CCDC91: variants seen among roughly 807,000 people sequenced by gnomAD.
CCDC91 encodes the protein coiled-coil domain-containing protein 91.
In CCDC91, 48 loss-of-function variants were observed where a neutral mutation model predicts 63.2. That is an observed-to-expected ratio of 0.76 (90% confidence interval 0.60 to 0.97). The LOEUF is 0.97. Among genes scored for constraint, CCDC91 ranks in the 50% least tolerant of loss-of-function variants. CCDC91 has a pLI of 0.00. For missense variants in CCDC91, 500 were observed against 494.6 expected (o/e 1.01, Z -0.10); for synonymous variants, 167 against 165.8 (o/e 1.01, Z -0.06).
chr12:28,417,125 A>G (rs1336712031), intron 8 of CCDC91, among the ~76,000 whole-genome samples: 2 of 152,058 alleles, frequency 1.3e-5, no homozygotes, highest in African/African-American at 2.4e-5. Context: ...TGGGCCTGAA[A>G]TTTAGGATAT....
intron 12 of CCDC91, among the ~76,000 whole-genome samples, chr12:28,534,102 C>T (rs1335344615): frequency 6.6e-6 from 1 of 152,040 alleles, no homozygotes; most frequent in Non-Finnish European, 1.5e-5. Context: ...TTCATTGTAG[C>T]AGTATGAGTT....
intron 8 of CCDC91, among the ~76,000 whole-genome samples, chr12:28,411,644 A>T (rs1565931011): frequency 6.6e-6 from 1 of 152,216 alleles, no homozygotes; most frequent in Non-Finnish European, 1.5e-5. Flanking sequence ...TCATCCACTG[A>T]ATAATGATGT....
intron 11 of CCDC91, among the ~76,000 whole-genome samples, chr12:28,478,852 G>A (rs747969253): frequency 9.2e-5 from 14 of 151,994 alleles, no homozygotes; most frequent in Middle Eastern, 6.8e-3. Context: ...GCCAACAGAC[G>A]CATGAAAAAA....
intron 12 of CCDC91, among the ~76,000 whole-genome samples, chr12:28,539,150 G>A (rs1377515517): frequency 6.6e-6 from 1 of 152,170 alleles, no homozygotes; most frequent in Admixed American, 6.5e-5. Context: ...TGTTGCCATT[G>A]CTTTTGGTGT....
At chr12:28,535,553 C>T (rs771113253) in intron 12 of CCDC91, among the ~76,000 whole-genome samples, 3 of 152,186 alleles carry the variant, frequency 2.0e-5, no homozygotes, top group Non-Finnish European at 2.9e-5. Context: ...AGTGGCATCC[C>T]AGTTGCAGTG....
chr12:28,240,836 C>G (rs1945280270), intron 1 of CCDC91, among the ~76,000 whole-genome samples: 3 of 152,110 alleles, frequency 2.0e-5, no homozygotes, highest in South Asian at 4.1e-4. Flanking sequence ...CAATCATGTA[C>G]TGATTTTTGT....
intron 6 of CCDC91, among the ~76,000 whole-genome samples, chr12:28,311,297 T>C (rs1302986671): frequency 6.6e-6 from 1 of 152,006 alleles, no homozygotes; most frequent in Non-Finnish European, 1.5e-5. Context: ...TTAGGTGAGA[T>C]CTTCTTACCT....
chr12:28,344,039 A>C (rs1010918097), intron 6 of CCDC91, among the ~76,000 whole-genome samples: 1 of 152,142 alleles, frequency 6.6e-6, no homozygotes, highest in Non-Finnish European at 1.5e-5. Context: ...TTTTAAATTC[A>C]TATCTAAAAT....
At chr12:28,323,138 A>G (rs1940677252) in intron 6 of CCDC91, among the ~76,000 whole-genome samples, 1 of 151,318 alleles carries the variant, frequency 6.6e-6, no homozygotes, top group Non-Finnish European at 1.5e-5. Context: ...AACTCTAGTA[A>G]ATTTTTTAGT....
chr12:28,524,026 G>T (rs1592951704), intron 12 of CCDC91, among the ~76,000 whole-genome samples: 1 of 152,130 alleles, frequency 6.6e-6, no homozygotes, highest in East Asian at 1.9e-4. Flanking sequence ...TGAAATGAAG[G>T]AAAAAATATT....
Position 28,529,846 on chromosome 12 carries a change from A to G in CCDC91, c.1216-19217A>G, listed in dbSNP as rs1941590287. 2.0e-5 allele frequency among the ~76,000 whole-genome samples: 3 copies of G among 152,138 alleles called. No individual in the cohort carries two copies. In the South Asian group the frequency reaches 6.2e-4, roughly 32 times the overall value. ...GTCTTTTTTTCAAACTGGCTTTTTC[A>G]TGCATACCAAATCCCATAAAAATTG... On this transcript the variant is annotated intron_variant, in intron 12 of 12. Coordinates refer to ENST00000536442, the MANE Select transcript of CCDC91 (RefSeq NM_018318.5).
chr12:28,442,419 TCA>T (rs748930361), intron 8 of CCDC91, among the ~76,000 whole-genome samples: 7 of 152,082 alleles, frequency 4.6e-5, no homozygotes, highest in Admixed American at 1.3e-4. Context: ...AGATTTGAAT[TCA>T]CAGTGTCATT....
intron 2 of CCDC91, among the ~76,000 whole-genome samples, chr12:28,258,367 A>C (rs1465056496): frequency 2.6e-5 from 4 of 151,976 alleles, no homozygotes; most frequent in Non-Finnish European, 5.9e-5. Context: ...ACAGTCTGGC[A>C]TAGTCTTCTT....
chr12:28,419,614 A>G (rs558713217), intron 8 of CCDC91, among the ~76,000 whole-genome samples: 1 of 152,272 alleles, frequency 6.6e-6, no homozygotes, highest in African/African-American at 2.4e-5. Context: ...TTTTACTGAT[A>G]TTGGTCAATC....
chr12:28,408,699 G>A (rs1947126426), intron 8 of CCDC91, among the ~76,000 whole-genome samples: 2 of 152,052 alleles, frequency 1.3e-5, no homozygotes, highest in South Asian at 2.1e-4. Flanking sequence ...CTGGAGTGCA[G>A]TGGCATGATC....
chr12:28,196,476 G>A (rs11049441), intron 1 of CCDC91, among the ~76,000 whole-genome samples: 39,523 of 151,838 alleles, frequency 0.26, 5,367 homozygotes, highest in Non-Finnish European at 0.31. Context: ...TAGGACCTTT[G>A]CTAATGTTAA....
At chr12:28,323,174 ATATTT>A (rs1940680101) in intron 6 of CCDC91, among the ~76,000 whole-genome samples, 1 of 151,378 alleles carries the variant, frequency 6.6e-6, no homozygotes, top group Admixed American at 6.6e-5. Flanking sequence ...TAATTATTAT[ATATTT>A]TAGTATATAA....
intron 1 of CCDC91, among the ~76,000 whole-genome samples, chr12:28,230,578 T>C (rs1440760794): frequency 6.6e-6 from 1 of 152,186 alleles, no homozygotes; most frequent in Admixed American, 6.6e-5. Flanking sequence ...TGAGATATAC[T>C]GTTATTAAAC....
At chr12:28,300,164 C>G (rs557620283) in intron 3 of CCDC91, among the ~76,000 whole-genome samples, 136 of 151,576 alleles carry the variant, frequency 9.0e-4, no homozygotes, top group Admixed American at 8.8e-3. Flanking sequence ...GAAGAACTCA[C>G]TCATGTTTTC....
Sources: allele counts gnomAD v4.1 joint callset (sites outside exome capture counted in the v4.1 genomes callset), GRCh38; gene constraint gnomAD v4.1.1; transcripts MANE v1.5; gene names NCBI Gene and HGNC (gene_info 2026-07-23, HGNC 2026-07-21).